Variants in PCSK2 observed in about 807,000 individuals in gnomAD.
PCSK2 encodes the protein neuroendocrine convertase 2.
In PCSK2, 14 loss-of-function variants were observed where a neutral mutation model predicts 69.7. That is an observed-to-expected ratio of 0.20 (90% CI 0.13 to 0.31). PCSK2 has a LOEUF of 0.31. Among genes scored for constraint, PCSK2 ranks in the 10% least tolerant of loss-of-function variants. The pLI, the probability that PCSK2 is intolerant of heterozygous loss-of-function variation, is 1.00. For synonymous variants in PCSK2, 307 were observed against 320.7 expected (o/e 0.96, Z 0.46); for missense variants, 544 against 842.5 (o/e 0.65, Z 4.39).
At chr20:17,418,380 A>T (rs764665747) in intron 6 of PCSK2, among the ~76,000 whole-genome samples, 1 of 152,170 alleles carries the variant, frequency 6.6e-6, no homozygotes, top group Non-Finnish European at 1.5e-5. Flanking sequence ...AATGTATCCC[A>T]GGGCAAGGAT....
intron 5 of PCSK2, 102 bp from the exon 6 acceptor site, chr20:17,409,161 C>G: frequency 1.2e-6 from 1 of 861,818 alleles, no homozygotes; most frequent in Non-Finnish European, 2.0e-6. Context: ...CACACTAATC[C>G]AGCACTCCAG....
intron 2 of PCSK2, among the ~76,000 whole-genome samples, chr20:17,316,029 CT>C (rs1172003990): frequency 2.6e-5 from 4 of 152,228 alleles, no homozygotes; most frequent in Non-Finnish European, 5.9e-5. Context: ...AACTCTGCCT[CT>C]CCAGTCAGGC....
intron 2 of PCSK2, among the ~76,000 whole-genome samples, chr20:17,330,421 G>A (rs369973194): frequency 2.6e-5 from 4 of 151,828 alleles, no homozygotes; most frequent in East Asian, 3.9e-4. Context: ...GCGAAACCCC[G>A]TCTCTACTAA....
chr20:17,293,129 T>C (rs962693669), intron 2 of PCSK2, among the ~76,000 whole-genome samples: 5 of 152,202 alleles, frequency 3.3e-5, no homozygotes, highest in South Asian at 2.1e-4. Flanking sequence ...TCGGCCCTTA[T>C]TACATTTTCT....
intron 2 of PCSK2, among the ~76,000 whole-genome samples, chr20:17,356,821 G>C (rs1459380114): frequency 1.3e-5 from 2 of 152,078 alleles, no homozygotes; most frequent in South Asian, 2.1e-4. Context: ...TGGGCTCCAG[G>C]GGATCTTGGT....
intron 2 of PCSK2, among the ~76,000 whole-genome samples, chr20:17,348,287 A>G (rs971482995): frequency 2.0e-5 from 3 of 152,200 alleles, no homozygotes; most frequent in African/African-American, 7.2e-5. Flanking sequence ...CAAGAAGATT[A>G]AAGTCCAGGC....
intron 2 of PCSK2, among the ~76,000 whole-genome samples, chr20:17,356,536 C>T (rs774366898): frequency 6.6e-6 from 1 of 152,268 alleles, no homozygotes; most frequent in Middle Eastern, 3.4e-3. Context: ...TTTTCTGCCA[C>T]GTCTGTGGTC....
chr20:17,357,276 G>A (rs1219202778), intron 2 of PCSK2, among the ~76,000 whole-genome samples: 2 of 152,210 alleles, frequency 1.3e-5, no homozygotes, highest in Non-Finnish European at 2.9e-5. Context: ...TTGAAATGTT[G>A]TCAGTGCAAG....
chr20:17,362,073 T>G (rs1016228719), intron 4 of PCSK2, among the ~76,000 whole-genome samples: 1 of 152,226 alleles, frequency 6.6e-6, no homozygotes, highest in African/African-American at 2.4e-5. Context: ...CCAACAGATG[T>G]GCATTGCTCT....
At chr20:17,279,076 A>G (rs984615527) in intron 2 of PCSK2, among the ~76,000 whole-genome samples, 4 of 151,996 alleles carry the variant, frequency 2.6e-5, no homozygotes, top group African/African-American at 9.7e-5. Context: ...TTCCTTCACT[A>G]TTATCCCAGG....
In PCSK2 at chr20:17,334,806, A is replaced by G. The variant is rs1013649760; in HGVS notation, c.283-23521A>G. Among the ~76,000 whole-genome samples, 6 of 152,370 alleles carry G rather than the reference A, an allele frequency of 3.9e-5. No homozygotes were observed. The East Asian group carries it at 1.2e-3, about 29-fold the overall frequency. The stretch of plus-strand genomic sequence containing the variant: ...ACCAACTGAATCTTCAAGCAAGCAC[A>G]TAAAATAGTGGTATTTCATTTCTAA... On this transcript the variant is annotated intron_variant, in intron 2 of 11. Transcript: ENST00000262545.
intron 4 of PCSK2, 74 bp from the exon 5 acceptor site, chr20:17,369,166 C>T: frequency 2.9e-6 from 4 of 1,377,396 alleles, no homozygotes; most frequent in Non-Finnish European, 4.1e-6. Context: ...AGGGCACTTT[C>T]TTGGGCAGCT....
intron 5 of PCSK2, among the ~76,000 whole-genome samples, chr20:17,386,894 G>A (rs572897140): frequency 6.6e-5 from 10 of 152,266 alleles, no homozygotes; most frequent in Non-Finnish European, 4.4e-5. Context: ...CCTCCCAAGT[G>A]AGCACAATCC....
chr20:17,450,990 G>GC (rs2032811639), intron 8 of PCSK2, among the ~76,000 whole-genome samples: 1 of 151,974 alleles, frequency 6.6e-6, no homozygotes. Context: ...ACTCATTTCT[G>GC]CCCCCAGAAC....
At chr20:17,360,774 A>G in intron 4 of PCSK2, 134 bp downstream of exon 4, 1 of 613,080 alleles carries the variant, frequency 1.6e-6, no homozygotes, top group Admixed American at 2.9e-5. Context: ...GCCACACTGC[A>G]CTGTGCCCAG....
At chr20:17,281,358 G>A (rs1988304586) in intron 2 of PCSK2, among the ~76,000 whole-genome samples, 3 of 152,292 alleles carry the variant, frequency 2.0e-5, no homozygotes, top group South Asian at 4.1e-4. Flanking sequence ...AGGAAAGCCA[G>A]TGAACTTTAA....
At chr20:17,413,285 C>T (rs1486311044) in intron 6 of PCSK2, among the ~76,000 whole-genome samples, 1 of 151,994 alleles carries the variant, frequency 6.6e-6, no homozygotes, top group African/African-American at 2.4e-5. Context: ...TTCAGGAGAC[C>T]CATCTCACGT....
chr20:17,320,586 C>T (rs1221355428), intron 2 of PCSK2, among the ~76,000 whole-genome samples: 1 of 152,198 alleles, frequency 6.6e-6, no homozygotes, highest in Admixed American at 6.5e-5. Flanking sequence ...AACTGGGACT[C>T]AGGCTTGCTG....
chr20:17,229,622 C>T (rs1413861029), intron 1 of PCSK2, among the ~76,000 whole-genome samples: 1 of 152,032 alleles, frequency 6.6e-6, no homozygotes, highest in Admixed American at 6.5e-5. Context: ...ACCTGCAGTT[C>T]CCATCTGAGA....
Sources: allele counts gnomAD v4.1 joint callset (sites outside exome capture counted in the v4.1 genomes callset), GRCh38; gene constraint gnomAD v4.1.1; transcripts MANE v1.5; gene names NCBI Gene and HGNC (gene_info 2026-07-23, HGNC 2026-07-21).